NEBL: variants seen among roughly 807,000 people sequenced by gnomAD.
NEBL encodes LIM and SH3 protein 2.
NEBL carries 122 observed loss-of-function variants against 140.2 expected under a neutral mutation model. The ratio of observed to expected loss-of-function variants is 0.87; its 90% CI spans 0.75 to 1.01. The LOEUF (loss-of-function observed/expected upper bound fraction) is 1.01. Ranked by LOEUF, NEBL falls within the 50% of genes least tolerant of loss-of-function variation. NEBL has a pLI of 0.00. For missense variants in NEBL, 1,365 were observed against 1,231.3 expected (o/e 1.11, Z -1.62); for synonymous variants, 436 against 398.9 (o/e 1.09, Z -1.11).
intron 3 of NEBL, among the ~76,000 whole-genome samples, chr10:21,195,673 T>G (rs904562589): frequency 6.6e-6 from 1 of 152,204 alleles, no homozygotes. Flanking sequence ...TCCCTCTCTC[T>G]CCTTAGAGTT....
intron 2 of NEBL, among the ~76,000 whole-genome samples, chr10:21,061,360 T>C (rs933856205): frequency 2.7e-5 from 4 of 147,452 alleles, no homozygotes; most frequent in Admixed American, 2.0e-4. Flanking sequence ...ACATAATATA[T>C]GGGTCAGATT....
At chr10:21,100,085 T>C (rs1430551315) in intron 2 of NEBL, among the ~76,000 whole-genome samples, 2 of 152,216 alleles carry the variant, frequency 1.3e-5, no homozygotes, top group Non-Finnish European at 2.9e-5. Context: ...GGGATGAATG[T>C]GCTTAGACAC....
At chr10:20,978,279 A>T (rs72789354) in intron 3 of NEBL, among the ~76,000 whole-genome samples, 1 of 152,102 alleles carries the variant, frequency 6.6e-6, no homozygotes, top group Non-Finnish European at 1.5e-5. Flanking sequence ...TGAATAGTCT[A>T]ATCAGAACAC....
At chr10:21,030,484 A>G in intron 2 of NEBL, 1 of 776,178 alleles carries the variant, frequency 1.3e-6, no homozygotes, top group Admixed American at 1.8e-5. Flanking sequence ...CCCAAAAGGT[A>G]ATGCCAGCCC....
intron 27 of NEBL, among the ~76,000 whole-genome samples, chr10:20,786,527 G>T (rs1258816995): frequency 1.3e-5 from 2 of 152,094 alleles, no homozygotes; most frequent in Non-Finnish European, 2.9e-5. Context: ...TTAAGGCTAA[G>T]CATTTAGCTA....
intron 4 of NEBL, among the ~76,000 whole-genome samples, chr10:20,927,902 T>A (rs533955492): frequency 4.6e-5 from 7 of 152,330 alleles, no homozygotes; most frequent in Admixed American, 4.6e-4. Flanking sequence ...GCTTTCATCC[T>A]GTAAGATAGT....
chr10:20,915,074 A>G (rs555171141), intron 4 of NEBL, among the ~76,000 whole-genome samples: 1 of 150,076 alleles, frequency 6.7e-6, no homozygotes, highest in East Asian at 2.0e-4. Flanking sequence ...GAGTGCTGAG[A>G]TTACAGACAT....
In NEBL at chr10:20,808,596, C is replaced by G. The variant is rs1837839345; in HGVS notation, c.2675G>C (p.Gly892Ala). The G allele has an allele frequency of 1.2e-6, 2 of 1,613,494 alleles. No individual in the cohort carries two copies. The highest frequency in any genetic ancestry group is 1.7e-6 in the Non-Finnish European group (2 of 1,179,610). ...GATTTCTGACCTGTCGTCTCCGAGACCTGTACCGAAAGTACTGCTGGAATG... is the reference window on the plus strand; with the variant it reads ...GATTTCTGACCTGTCGTCTCCGAGAGCTGTACCGAAAGTACTGCTGGAATG... ...RSHSSSTFGTGLGDDRSEISE... is the reference protein window; with the variant it reads ...RSHSSSTFGTALGDDRSEISE... Residue 892 changes from glycine to alanine, a missense_variant, in exon 26 of 28, where the codon GGT becomes GCT. By Grantham distance (60) the Gly-to-Ala change is moderately conservative (BLOSUM62 0). Around this residue, in one of 2 missense-constraint regions of NEBL, gnomAD observed 1,323 missense variants for 1,154.8 expected, o/e 1.15. Transcript: ENST00000377122.
chr10:21,242,758 G>A (rs1420994510), intron 3 of NEBL, among the ~76,000 whole-genome samples: 5 of 152,164 alleles, frequency 3.3e-5, no homozygotes, highest in Non-Finnish European at 5.9e-5. Context: ...ATACCCAGTG[G>A]CTAAAAGAAT....
chr10:20,922,759 G>C (rs1833655824), intron 4 of NEBL, among the ~76,000 whole-genome samples: 1 of 151,972 alleles, frequency 6.6e-6, no homozygotes, highest in Admixed American at 6.5e-5. Context: ...CTGAGCACTC[G>C]AGCCATCCCA....
rs114405399 is a variant in NEBL, at chr10:21,098,352, T to C, written c.164+74031A>G. On this transcript the variant is annotated intron_variant, in intron 2 of 6. Transcript: ENST00000417816. Reference sequence around the variant, plus strand: ...AAGATCAAACTATGACTCTTTCCTCTTTGCAGCCCTACAACTCTTCCTATC... The same window carrying C: ...AAGATCAAACTATGACTCTTTCCTCCTTGCAGCCCTACAACTCTTCCTATC... Among the ~76,000 whole-genome samples, 406 of 152,286 alleles carry C rather than the reference T, an allele frequency of 2.7e-3. 1 individual carries two copies. Among genetic ancestry groups the C allele is most frequent in the African/African-American group, 9.2e-3 (381 of 41,554 alleles).
At chr10:20,817,285 T>C (rs979577331) in intron 21 of NEBL, among the ~76,000 whole-genome samples, 5 of 152,126 alleles carry the variant, frequency 3.3e-5, no homozygotes, top group African/African-American at 1.2e-4. Context: ...GAGGATCACT[T>C]GAACCCAGAA....
chr10:21,193,042 G>T (rs1323799139), intron 3 of NEBL, among the ~76,000 whole-genome samples: 1 of 152,124 alleles, frequency 6.6e-6, no homozygotes, highest in African/African-American at 2.4e-5. Context: ...GAAGTTTGCT[G>T]GGCAGTCAGG....
At chr10:20,954,409 T>C (rs1410546435) in intron 4 of NEBL, among the ~76,000 whole-genome samples, 1 of 152,012 alleles carries the variant, frequency 6.6e-6, no homozygotes, top group Non-Finnish European at 1.5e-5. Flanking sequence ...CTTCATAGAG[T>C]TCAGTCTGAG....
intron 2 of NEBL, among the ~76,000 whole-genome samples, chr10:21,162,148 T>C (rs1840583343): frequency 6.6e-6 from 1 of 152,160 alleles, no homozygotes; most frequent in Admixed American, 6.5e-5. Flanking sequence ...TGGTTGATGA[T>C]TGCACCAATG....
intron 4 of NEBL, 135 bp downstream of exon 4, chr10:20,887,962 C>T (rs1846672911): frequency 4.2e-6 from 3 of 711,902 alleles, no homozygotes; most frequent in South Asian, 1.5e-5. Context: ...ACTGACAGCA[C>T]ATTAATCAGT....
intron 2 of NEBL, among the ~76,000 whole-genome samples, chr10:21,079,708 A>T (rs990939151): frequency 2.0e-5 from 3 of 152,150 alleles, no homozygotes; most frequent in Admixed American, 2.0e-4. Context: ...TGAGCTGCAT[A>T]TTCCTTTATT....
At chr10:21,020,106 C>A (rs1468422176) in intron 3 of NEBL, 2 of 1,609,128 alleles carry the variant, frequency 1.2e-6, no homozygotes, top group Non-Finnish European at 8.5e-7. Context: ...AACAAATCTT[C>A]TAGAAGTTAC....
intron 17 of NEBL, 68 bp from the exon 18 acceptor site, chr10:20,826,607 G>A: frequency 8.4e-7 from 1 of 1,196,690 alleles, no homozygotes; most frequent in Non-Finnish European, 1.2e-6. Flanking sequence ...CCGCTTCTTA[G>A]AAAGACAATT....
Sources: gnomAD v4.1 joint callset for allele counts (sites outside exome capture counted in the v4.1 genomes callset) on GRCh38, gnomAD v4.1.1 for gene constraint, gnomAD v4.1.1 regional missense constraint, MANE v1.5 for transcripts, NCBI Gene and HGNC (gene_info 2026-07-23, HGNC 2026-07-21) for gene names.